The following RBFOX1 variants were observed in gnomAD, a reference collection of about 807,000 sequenced individuals.
RBFOX1 encodes the protein RNA binding protein fox-1 homolog 1.
A neutral mutation model predicts 57.7 loss-of-function variants in RBFOX1; 8 were observed. The ratio of observed to expected loss-of-function variants is 0.14; its 90% CI spans 0.08 to 0.25. The LOEUF (loss-of-function observed/expected upper bound fraction) is 0.25. Among genes scored for constraint, RBFOX1 ranks in the 10% least tolerant of loss-of-function variants. The probability of loss-of-function intolerance (pLI) is 1.00; values close to 1 mark genes in which losing one functional copy is unlikely to be tolerated. For synonymous variants in RBFOX1, 326 were observed against 222.4 expected (o/e 1.47, Z -4.15); for missense variants, 611 against 548.5 (o/e 1.11, Z -1.14).
Position 7,143,833 on chromosome 16 carries a change from G to A in RBFOX1, c.27+91735G>A, listed in dbSNP as rs554624557. ...TTATACACAGTATATCTTACAGGTA[G>A]TACAAGATCCTAGCAGGTACTATAA... is the stretch of plus-strand genomic sequence containing the variant. On this transcript the variant is annotated intron_variant, in intron 4 of 15. Coordinates refer to ENST00000550418, the MANE Select transcript of RBFOX1 (RefSeq NM_018723.4). Among the ~76,000 whole-genome samples the A allele has an allele frequency of 6.6e-4, 100 of 151,990 alleles. No individual in the cohort carries two copies. In the Middle Eastern group the frequency reaches 0.031, roughly 47 times the overall value.
At chr16:6,185,217 C>G (rs1376646724) in intron 1 of RBFOX1, among the ~76,000 whole-genome samples, 1 of 152,152 alleles carries the variant, frequency 6.6e-6, no homozygotes, top group African/African-American at 2.4e-5. Flanking sequence ...CCCTGTGACT[C>G]TATTTCCTCT....
At chr16:5,287,546 A>G (rs1280832083) in intron 1 of RBFOX1, among the ~76,000 whole-genome samples, 5 of 152,186 alleles carry the variant, frequency 3.3e-5, no homozygotes, top group Non-Finnish European at 5.9e-5. Flanking sequence ...TCCAAATCTC[A>G]GTGGCTTAAT....
chr16:7,040,033 T>A (rs911388077), intron 3 of RBFOX1, among the ~76,000 whole-genome samples: 1 of 151,636 alleles, frequency 6.6e-6, no homozygotes, highest in African/African-American at 2.4e-5. Context: ...ATTATTATTA[T>A]TATTTTGAGA....
chr16:7,090,401 C>A (rs373651146), intron 4 of RBFOX1, among the ~76,000 whole-genome samples: 1 of 152,132 alleles, frequency 6.6e-6, no homozygotes, highest in African/African-American at 2.4e-5. Flanking sequence ...AGTCTCCCTT[C>A]TCTAGACTGA....
chr16:6,753,404 G>A (rs888597770), intron 3 of RBFOX1, among the ~76,000 whole-genome samples: 5 of 152,180 alleles, frequency 3.3e-5, no homozygotes, highest in African/African-American at 1.2e-4. Context: ...GATAAAAATT[G>A]TGTGCCTGCA....
At chr16:6,946,255 T>G (rs1023539552) in intron 3 of RBFOX1, among the ~76,000 whole-genome samples, 1 of 152,226 alleles carries the variant, frequency 6.6e-6, no homozygotes, top group Non-Finnish European at 1.5e-5. Flanking sequence ...ACTACATCCT[T>G]GTAGTACAAC....
intron 2 of RBFOX1, among the ~76,000 whole-genome samples, chr16:5,544,475 C>G (rs899194029): frequency 1.3e-5 from 2 of 151,994 alleles, no homozygotes; most frequent in African/African-American, 4.8e-5. Context: ...TCCAATTTCA[C>G]TCTAAGAGAC....
In RBFOX1 at chr16:7,559,901, C is replaced by T. The variant is rs144687828; in HGVS notation, c.271-19876C>T. Among the ~76,000 whole-genome samples, 152 of 152,324 alleles carry T rather than the reference C, an allele frequency of 1.0e-3. 4 individuals are homozygous for T. In the East Asian group the frequency reaches 0.027, roughly 27 times the overall value. On this transcript the variant is annotated intron_variant, in intron 5 of 15. Transcript: ENST00000550418. ...AACATGTCCAAGGTCAAATAGTTGT[C>T]TTTGGTCAACTGTTGGTCAAATGCT...
At chr16:7,461,458 G>C (rs1273879017) in intron 4 of RBFOX1, among the ~76,000 whole-genome samples, 1 of 152,114 alleles carries the variant, frequency 6.6e-6, no homozygotes, top group Non-Finnish European at 1.5e-5. Flanking sequence ...GAGTCACTGT[G>C]CCCGGCCAAA....
chr16:5,393,392 G>A (rs2066466824), intron 1 of RBFOX1, among the ~76,000 whole-genome samples: 1 of 152,208 alleles, frequency 6.6e-6, no homozygotes, highest in African/African-American at 2.4e-5. Context: ...CTGCCAAGAA[G>A]GTTGATCTCC....
intron 5 of RBFOX1, among the ~76,000 whole-genome samples, chr16:7,568,362 C>T (rs925310917): frequency 6.6e-6 from 1 of 152,134 alleles, no homozygotes; most frequent in African/African-American, 2.4e-5. Context: ...CATAGGGTAA[C>T]CTCCTGACAT....
chr16:6,295,735 A>T (rs1432382477), intron 1 of RBFOX1, among the ~76,000 whole-genome samples: 1 of 152,150 alleles, frequency 6.6e-6, no homozygotes, highest in Non-Finnish European at 1.5e-5. Context: ...TCTTTCCTGA[A>T]ATGAGGAGGG....
chr16:7,274,785 A>G (rs953779989), intron 4 of RBFOX1, among the ~76,000 whole-genome samples: 5 of 152,102 alleles, frequency 3.3e-5, no homozygotes, highest in African/African-American at 1.2e-4. Flanking sequence ...TCCAGGTTCC[A>G]GTGATTCTCA....
intron 3 of RBFOX1, among the ~76,000 whole-genome samples, chr16:5,715,184 T>C (rs1024901869): frequency 5.9e-5 from 9 of 152,230 alleles, no homozygotes; most frequent in African/African-American, 2.2e-4. Context: ...ACAAACAAGA[T>C]AATATACCCT....
chr16:5,506,323 G>A (rs1009966517), intron 2 of RBFOX1, among the ~76,000 whole-genome samples: 4 of 152,170 alleles, frequency 2.6e-5, no homozygotes, highest in African/African-American at 7.2e-5. Flanking sequence ...GACGTAAGTC[G>A]CGGATAGCTC....
At chr16:6,505,434 C>T (rs942782272) in intron 2 of RBFOX1, among the ~76,000 whole-genome samples, 1 of 152,108 alleles carries the variant, frequency 6.6e-6, no homozygotes. Flanking sequence ...CCCATTACAT[C>T]CAGGAGGAAT....
At chr16:6,466,640 G>C (rs1043704363) in intron 2 of RBFOX1, among the ~76,000 whole-genome samples, 1 of 152,144 alleles carries the variant, frequency 6.6e-6, no homozygotes, top group Non-Finnish European at 1.5e-5. Flanking sequence ...CAAATAGAGG[G>C]ATAAAGAATG....
intron 1 of RBFOX1, among the ~76,000 whole-genome samples, chr16:6,117,538 C>G (rs1597454753): frequency 6.6e-6 from 1 of 152,346 alleles, no homozygotes; most frequent in African/African-American, 2.4e-5. Flanking sequence ...AGATTAAGCC[C>G]ATTGTACAAA....
At chr16:6,250,935 G>T (rs1178741168) in intron 1 of RBFOX1, among the ~76,000 whole-genome samples, 1 of 151,992 alleles carries the variant, frequency 6.6e-6, no homozygotes, top group African/African-American at 2.4e-5. Context: ...ATAATTGAAA[G>T]ATACCTGATT....
Sources: gnomAD v4.1 joint callset for allele counts (sites outside exome capture counted in the v4.1 genomes callset) on GRCh38, gnomAD v4.1.1 for gene constraint, MANE v1.5 for transcripts, NCBI Gene and HGNC (gene_info 2026-07-23, HGNC 2026-07-21) for gene names.